COL6A1: variants seen among roughly 807,000 people sequenced by gnomAD.
COL6A1 encodes collagen alpha-1(VI) chain.
COL6A1 carries 80 observed loss-of-function variants against 145.6 expected under a neutral mutation model. That is an observed-to-expected ratio of 0.55 (90% CI 0.46 to 0.66). The LOEUF is 0.66. Ranked by LOEUF, COL6A1 falls within the 30% of genes least tolerant of loss-of-function variation. The probability of loss-of-function intolerance (pLI) is 0.00; values close to 1 mark genes in which losing one functional copy is unlikely to be tolerated. For missense variants in COL6A1, 1,364 were observed against 1,473.8 expected (o/e 0.93, Z 1.22); for synonymous variants, 638 against 622.8 (o/e 1.02, Z -0.36).
chr21:45,985,085 CAG>C (rs1288912310), intron 3 of COL6A1, among the ~76,000 whole-genome samples: 5 of 146,514 alleles, frequency 3.4e-5, no homozygotes, highest in Non-Finnish European at 3.0e-5. Flanking sequence ...GAGACAGAAA[CAG>C]AGACAGAGAG....
chr21:46,000,041 TG>T lies in COL6A1; in HGVS notation c.1777-282del, dbSNP rs1466813683. Reference sequence around the variant, plus strand: ...TCATGGGGGACCCGTGTGAGGATCATGGGGGGGGACGTGTGAGGATCATGGG... The same window carrying T: ...TCATGGGGGACCCGTGTGAGGATCATGGGGGGGACGTGTGAGGATCATGGG... On this transcript the variant is annotated intron_variant, in intron 27 of 34. Coordinates refer to ENST00000361866, the MANE Select transcript of COL6A1 (RefSeq NM_001848.3). 0.021 allele frequency among the ~76,000 whole-genome samples: 239 copies of T among 11,638 alleles called. 1 individual carries two copies. Among genetic ancestry groups the T allele is most frequent in the African/African-American group, 0.067 (191 of 2,836 alleles). The allele number at this position is 11,638 out of a possible 152,430, so 7.6% of individuals were successfully genotyped here. A position where few individuals can be genotyped will look rare whatever the true frequency, so the allele number is the denominator to read the frequency against.
rs74386218 is a variant in COL6A1 at position 45,985,779 on chromosome 21, G to A, written c.429-747G>A. Among the ~76,000 whole-genome samples the A allele has an allele frequency of 4.4e-4, 67 of 152,368 alleles. 1 individual carries two copies. The East Asian group carries it at 6.8e-3, about 15-fold the overall frequency. ...GGTCTCAGAGGGCCACATGGCCGGTGTGGGCCGGACATTCCCTTTCCAATG... is the reference window on the plus strand; with the variant it reads ...GGTCTCAGAGGGCCACATGGCCGGTATGGGCCGGACATTCCCTTTCCAATG... On this transcript the variant is annotated intron_variant, in intron 3 of 34. Coordinates refer to ENST00000361866, the MANE Select transcript of COL6A1 (RefSeq NM_001848.3).
Position 46,002,799 on chromosome 21 carries a change from G to A in COL6A1, c.2434+89G>A, listed in dbSNP as rs1348737227. The A allele has an allele frequency of 8.4e-6, 12 of 1,429,576 alleles. No homozygotes were observed. The African/African-American group carries it at 1.1e-4, about 14-fold the overall frequency. The allele number at this position is 1,429,576 out of a possible 1,614,324, so 88.6% of individuals were successfully genotyped here. On this transcript the variant is annotated intron_variant, in intron 33 of 34. Coordinates refer to ENST00000361866, the MANE Select transcript of COL6A1 (RefSeq NM_001848.3). ...GTCCCAGATCTGCGTAGGTGCACGC[G>A]GGGCCGCCCGGGCAGTCCCAGATCT...
chr21:46,003,527 C>T lies in COL6A1; in HGVS notation c.2601C>T (p.Pro867=), dbSNP rs200124802. The T allele has an allele frequency of 4.3e-5, 69 of 1,611,724 alleles. No homozygotes were observed. The African/African-American group carries it at 6.0e-4, about 14-fold the overall frequency. ...TCCTCACAGCGGGCAGGACGGACCCCGCCCACGACGTGCGGGTGGCGGTGG... is the reference window on the plus strand; with the variant it reads ...TCCTCACAGCGGGCAGGACGGACCCTGCCCACGACGTGCGGGTGGCGGTGG... The part of the protein sequence containing the change: ...ERFLTAGRTD[P]AHDVRVAVVQ... The change falls in exon 35 of 35, where the codon CCC becomes CCT. Residue 867 remains proline (P), a synonymous_variant. Transcript: ENST00000361866.
intron 13 of COL6A1, 38 bp downstream of exon 13, chr21:45,990,460 GGAGGAA>G: frequency 2.4e-6 from 3 of 1,267,122 alleles, no homozygotes; most frequent in Non-Finnish European, 2.2e-6. Context: ...GGAGGGACGA[GGAGGAA>G]TGGGGCGAGA....
intron 27 of COL6A1, 100 bp downstream of exon 27, chr21:45,999,792 CGGG>C: frequency 1.2e-6 from 1 of 831,582 alleles, no homozygotes; most frequent in Non-Finnish European, 1.8e-6. Flanking sequence ...ACGCTGCTCA[CGGG>C]GGGGTGGGTT....
chr21:45,984,480 C>T lies in COL6A1; in HGVS notation c.428+11C>T, dbSNP rs1274685416. 1.2e-5 allele frequency: 19 copies of T among 1,607,524 alleles called. No homozygotes were observed. Among genetic ancestry groups the T allele is most frequent in the Non-Finnish European group, 1.6e-5 (19 of 1,179,626 alleles). ...GCAGCTCCTCGTGGGGTGAGTGGCC[C>T]CCAGCCTCCTGCCCACGCCAGTTCT... On this transcript the variant is annotated intron_variant, in intron 3 of 34. Transcript: ENST00000361866.
intron 27 of COL6A1, 63 bp from the exon 28 acceptor site, chr21:46,000,268 G>T: frequency 6.2e-7 from 1 of 1,600,302 alleles, no homozygotes; most frequent in Non-Finnish European, 8.6e-7. Context: ...AGATCCAGCA[G>T]CCCACAGTCC....
intron 24 of COL6A1, among the ~76,000 whole-genome samples, 200 bp downstream of exon 24, chr21:45,998,633 G>C (rs918046657): frequency 8.5e-5 from 13 of 152,188 alleles, no homozygotes; most frequent in African/African-American, 3.1e-4. Flanking sequence ...CTCCCACTGT[G>C]GTGTGGCCTG....
At chr21:45,988,810 T>C (rs769953078) in intron 8 of COL6A1, among the ~76,000 whole-genome samples, 2 of 152,096 alleles carry the variant, frequency 1.3e-5, no homozygotes, top group Non-Finnish European at 2.9e-5. Flanking sequence ...GGGGTCGAGC[T>C]GTGACCCTGG....
Position 46,002,612 on chromosome 21 carries a change from C to T in COL6A1, c.2336C>T (p.Pro779Leu), listed in dbSNP as rs569738255. ...GTCATTTCTTGCCAAGGCCTGGCAC[C>T]ATCCCAGGGCCGGCCCGGCCTCTCG... ...LNVISCQGLA[P>L]SQGRPGLSLV... The change falls in exon 33 of 35, where the codon CCA becomes CTA. Residue 779 changes from proline (P) to leucine (L), a missense_variant. Pro to Leu is a moderately conservative substitution (Grantham distance 98, BLOSUM62 -3). Around this residue, in one of 3 missense-constraint regions of COL6A1, gnomAD observed 938 missense variants for 1,003.8 expected, o/e 0.93. Transcript: ENST00000361866. 10 of 1,614,080 alleles carry T rather than the reference C, an allele frequency of 6.2e-6. No individual in the cohort carries two copies. Among genetic ancestry groups the T allele is most frequent in the African/African-American group, 4.0e-5 (3 of 75,066 alleles).
rs865846355 is a variant in COL6A1, at chr21:45,983,579, C to A, written c.228-690C>A. ...GTAACAGCAGGGTGGACCTTCCAGCCCACACCGTGCCCAGCAGGAGCCATT... is the reference window on the plus strand; with the variant it reads ...GTAACAGCAGGGTGGACCTTCCAGCACACACCGTGCCCAGCAGGAGCCATT... On this transcript the variant is annotated intron_variant, in intron 2 of 34. Transcript: ENST00000361866. Among the ~76,000 whole-genome samples, 12 of 152,066 alleles carry A rather than the reference C, an allele frequency of 7.9e-5. 1 individual carries two copies. Among genetic ancestry groups the A allele is most frequent in the Admixed American group, 2.6e-4 (4 of 15,284 alleles).
At chr21:45,998,799 G>A in intron 24 of COL6A1, 98 bp from the exon 25 acceptor site, 1 of 1,331,898 alleles carries the variant, frequency 7.5e-7, no homozygotes, top group Non-Finnish European at 1.0e-6. Context: ...GGGAAGAGAA[G>A]AGTGCCTCTC....
At chr21:45,995,227 T>G (rs1405589731) in intron 20 of COL6A1, among the ~76,000 whole-genome samples, 1 of 152,254 alleles carries the variant, frequency 6.6e-6, no homozygotes, top group East Asian at 1.9e-4. Flanking sequence ...TGCGTGCCGC[T>G]CACGGCAGGG....
chr21:45,986,027 G>C (rs1316930186), intron 3 of COL6A1, among the ~76,000 whole-genome samples: 1 of 152,208 alleles, frequency 6.6e-6, no homozygotes, highest in East Asian at 1.9e-4. Context: ...ACTGCCCTGC[G>C]ATACTGCCCT....
rs573196191 is a variant in COL6A1 at position 45,987,485 on chromosome 21, CT to C, written c.739-11del. On this transcript the variant is annotated splice_polypyrimidine_tract_variant and intron_variant, in intron 6 of 34. Transcript: ENST00000361866. Reference sequence around the variant, plus strand: ...GCTTTCCCACTGACTCGTCTCCATGCTTTCCCCCCACAGTGCTGCTCCTTCG... The same window carrying C: ...GCTTTCCCACTGACTCGTCTCCATGCTTCCCCCCACAGTGCTGCTCCTTCG... The C allele has an allele frequency of 1.5e-4, 238 of 1,613,120 alleles. 1 individual carries two copies. In the African/African-American group the frequency reaches 2.5e-3, roughly 17 times the overall value.
intron 15 of COL6A1, among the ~76,000 whole-genome samples, chr21:45,991,412 G>A (rs1055993962): frequency 7.9e-5 from 12 of 152,178 alleles, no homozygotes; most frequent in African/African-American, 2.9e-4. Context: ...GGCACTGAGG[G>A]TGGCGAGTGG....
At chr21:45,990,163 G>T (rs2077766264) in intron 11 of COL6A1, 95 bp from the exon 12 acceptor site, 2 of 1,477,226 alleles carry the variant, frequency 1.4e-6, no homozygotes, top group Non-Finnish European at 1.9e-6. Flanking sequence ...TCGGGTTGGG[G>T]GCACCCAAGC....
At chr21:46,001,900 T>G in intron 30 of COL6A1, 61 bp from the exon 31 acceptor site, 1 of 1,471,768 alleles carries the variant, frequency 6.8e-7, no homozygotes, top group Non-Finnish European at 9.4e-7. Flanking sequence ...GAGTCACCCT[T>G]GGGAAGCTTA....
Sources: allele counts gnomAD v4.1 joint callset (sites outside exome capture counted in the v4.1 genomes callset), GRCh38; gene constraint gnomAD v4.1.1; regional missense constraint gnomAD v4.1.1; transcripts MANE v1.5; gene names NCBI Gene and HGNC (gene_info 2026-07-23, HGNC 2026-07-21).